The following RBFOX1 variants were observed in gnomAD, a reference collection of about 807,000 sequenced individuals.
RBFOX1 encodes the protein RNA binding fox-1 homolog 1.
A neutral mutation model predicts 57.7 loss-of-function variants in RBFOX1; 8 were observed. The observed-to-expected ratio is 0.14, with a 90% CI of 0.08 to 0.25. The LOEUF is 0.25. Among genes scored for constraint, RBFOX1 ranks in the 10% least tolerant of loss-of-function variants. RBFOX1 has a pLI of 1.00. For synonymous variants in RBFOX1, 326 were observed against 222.4 expected, an observed-to-expected ratio of 1.47 and a Z score of -4.15; for missense variants, 611 against 548.5, an observed-to-expected ratio of 1.11 and a Z score of -1.14.
chr16:5,381,260 C>G (rs1009133359), intron 1 of RBFOX1, among the ~76,000 whole-genome samples: 1 of 152,198 alleles, frequency 6.6e-6, no homozygotes, highest in African/African-American at 2.4e-5. Context: ...ATCATCACAT[C>G]CATGCATATT....
chr16:7,480,730 G>A (rs2063731569), intron 4 of RBFOX1, among the ~76,000 whole-genome samples: 1 of 152,204 alleles, frequency 6.6e-6, no homozygotes, highest in African/African-American at 2.4e-5. Context: ...CCCTCCGAGG[G>A]CACAGGCTTG....
At chr16:5,454,446 CTG>C (rs1378882544) in intron 1 of RBFOX1, among the ~76,000 whole-genome samples, 1 of 152,178 alleles carries the variant, frequency 6.6e-6, no homozygotes, top group Non-Finnish European at 1.5e-5. Flanking sequence ...ACATGTTATT[CTG>C]TGAGGGTGTT....
At chr16:7,467,048 G>A (rs753992543) in intron 4 of RBFOX1, among the ~76,000 whole-genome samples, 10 of 152,264 alleles carry the variant, frequency 6.6e-5, no homozygotes, top group East Asian at 1.9e-4. Context: ...TGTAGCTTCA[G>A]AATATTTAGC....
chr16:7,432,524 A>T (rs192794840), intron 4 of RBFOX1, among the ~76,000 whole-genome samples: 2 of 152,050 alleles, frequency 1.3e-5, no homozygotes, highest in East Asian at 1.9e-4. Flanking sequence ...ATGCACAAAC[A>T]TTTTTTTTAT....
rs75786639 is a variant in RBFOX1, at chr16:6,070,439, T to G, written c.-127+50447T>G. 2.7e-3 allele frequency among the ~76,000 whole-genome samples: 405 copies of G among 152,318 alleles called. 1 individual carries two copies. The highest frequency in any genetic ancestry group is 9.5e-3 in the African/African-American group (395 of 41,584). ...ATGTAGTTCATCAAATTTGGGTATT[T>G]ATAAAGATAAGCATAGCCCAAACTT... is the stretch of plus-strand genomic sequence containing the variant. On this transcript the variant is annotated intron_variant, in intron 1 of 15. Transcript: ENST00000550418.
At chr16:7,653,539 A>G (rs2065575080) in intron 11 of RBFOX1, among the ~76,000 whole-genome samples, 1 of 152,158 alleles carries the variant, frequency 6.6e-6, no homozygotes, top group African/African-American at 2.4e-5. Flanking sequence ...TCATGCAGTG[A>G]GCTTTTCTCC....
chr16:5,839,600 C>T (rs1015836219), intron 3 of RBFOX1, among the ~76,000 whole-genome samples: 3 of 152,120 alleles, frequency 2.0e-5, no homozygotes, highest in African/African-American at 7.2e-5. Flanking sequence ...GTAACTTACT[C>T]AAAAAGAATA....
At chr16:5,380,853 AGGAT>A (rs931208301) in intron 1 of RBFOX1, among the ~76,000 whole-genome samples, 1 of 152,216 alleles carries the variant, frequency 6.6e-6, no homozygotes, top group Non-Finnish European at 1.5e-5. Context: ...TTTTATCCTG[AGGAT>A]GTACTCATGC....
intron 4 of RBFOX1, among the ~76,000 whole-genome samples, chr16:7,114,409 G>C (rs1436894445): frequency 1.3e-5 from 2 of 152,152 alleles, no homozygotes; most frequent in African/African-American, 2.4e-5. Context: ...TATGCTCACT[G>C]TACCCTTTAA....
intron 3 of RBFOX1, among the ~76,000 whole-genome samples, chr16:6,802,008 G>A (rs1194460458): frequency 6.6e-6 from 1 of 152,016 alleles, no homozygotes; most frequent in Admixed American, 6.6e-5. Context: ...ATGGAGGTTG[G>A]GGGAGTTCTT....
intron 4 of RBFOX1, among the ~76,000 whole-genome samples, chr16:5,939,863 G>A (rs919785333): frequency 6.6e-6 from 1 of 152,178 alleles, no homozygotes; most frequent in Admixed American, 6.5e-5. Context: ...CACAGTTGCA[G>A]GTTGACAGTG....
intron 4 of RBFOX1, among the ~76,000 whole-genome samples, chr16:7,481,248 T>C (rs1235336190): frequency 2.6e-5 from 4 of 152,124 alleles, no homozygotes; most frequent in African/African-American, 9.7e-5. Flanking sequence ...GCAAGAAACA[T>C]AGAGCCCCCG....
rs958530403 is a variant in RBFOX1 at position 5,389,238 on chromosome 16, A to T, written c.220-77978A>T. ...AAAGGTAAGGTATGATTTTTGTGAA[A>T]ATTTCAAAGAATGAAGGACACAAAG... is the stretch of plus-strand genomic sequence containing the variant. On this transcript the variant is annotated intron_variant, in intron 1 of 2. Transcript: ENST00000585867. Among the ~76,000 whole-genome samples, 12 of 151,936 alleles carry T rather than the reference A, an allele frequency of 7.9e-5. No homozygotes were observed. The South Asian group carries it at 2.5e-3, about 31-fold the overall frequency.
At chr16:7,572,433 A>G (rs985163527) in intron 5 of RBFOX1, among the ~76,000 whole-genome samples, 1 of 152,280 alleles carries the variant, frequency 6.6e-6, no homozygotes, top group South Asian at 2.1e-4. Flanking sequence ...GAGACATTTG[A>G]ATCCCAGGAG....
intron 4 of RBFOX1, among the ~76,000 whole-genome samples, chr16:7,195,855 A>T (rs1192901344): frequency 1.3e-5 from 2 of 152,118 alleles, no homozygotes; most frequent in Non-Finnish European, 2.9e-5. Flanking sequence ...GCCCAGCTCG[A>T]TGCTCATAAT....
At chr16:6,450,181 A>G (rs910289583) in intron 2 of RBFOX1, among the ~76,000 whole-genome samples, 8 of 152,154 alleles carry the variant, frequency 5.3e-5, no homozygotes, top group African/African-American at 1.4e-4. Context: ...CTGGATCCAA[A>G]TCCCAGCTCT....
At chr16:6,462,293 C>G (rs773981192) in intron 2 of RBFOX1, among the ~76,000 whole-genome samples, 1 of 152,146 alleles carries the variant, frequency 6.6e-6, no homozygotes, top group Non-Finnish European at 1.5e-5. Flanking sequence ...TCTGTATGGT[C>G]CCCTTTGCTG....
intron 3 of RBFOX1, among the ~76,000 whole-genome samples, chr16:6,867,400 C>G (rs1339015286): frequency 2.0e-5 from 3 of 151,602 alleles, no homozygotes; most frequent in African/African-American, 7.3e-5. Context: ...AATTTTTGTT[C>G]ATCTGAGAAA....
At chr16:5,367,762 C>T (rs570920949) in intron 1 of RBFOX1, among the ~76,000 whole-genome samples, 154 of 152,242 alleles carry the variant, frequency 1.0e-3, no homozygotes, top group African/African-American at 3.5e-3. Flanking sequence ...ACAGGGCACA[C>T]GGAGGGGAGA....
Sources: allele counts gnomAD v4.1 joint callset (sites outside exome capture counted in the v4.1 genomes callset), GRCh38; gene constraint gnomAD v4.1.1; transcripts MANE v1.5; gene names NCBI Gene and HGNC (gene_info 2026-07-23, HGNC 2026-07-21).